Variants in CYP4A22 observed in about 807,000 individuals in gnomAD.
CYP4A22 encodes cytochrome P450 4A22.
Under a neutral mutation model 56.2 loss-of-function variants are expected in CYP4A22, and 46 were observed. The observed-to-expected ratio is 0.82, with a 90% CI of 0.65 to 1.05. CYP4A22 has a LOEUF of 1.05. CYP4A22 is among the 50% of genes least tolerant of loss of function. The pLI is 0.00. For synonymous variants in CYP4A22, 193 were observed against 251.1 expected (o/e 0.77, Z 2.19); for missense variants, 541 against 645.9 (o/e 0.84, Z 1.76).
At chr1:47,146,683 G>A (rs1645079786) in intron 11 of CYP4A22, 40 of 995,466 alleles carry the variant, frequency 4.0e-5, no homozygotes, top group Non-Finnish European at 4.8e-5. Context: ...ATATAAGGGA[G>A]AGGTTAAGGT....
At chr1:47,147,807 G>A (rs1645092520) in intron 11 of CYP4A22, among the ~76,000 whole-genome samples, 2 of 152,202 alleles carry the variant, frequency 1.3e-5, no homozygotes, top group Non-Finnish European at 2.9e-5. Context: ...AGCCCACGGA[G>A]GGCTTGTCTG....
chr1:47,142,633 C>G (rs918933155), intron 4 of CYP4A22, among the ~76,000 whole-genome samples: 36 of 152,212 alleles, frequency 2.4e-4, no homozygotes, highest in Non-Finnish European at 4.6e-4. Flanking sequence ...AGGCTCTGGC[C>G]TGGGGCCCCA....
chr1:47,137,647 T>C lies in CYP4A22; in HGVS notation c.162T>C (p.Pro54=). 6.2e-7 allele frequency: 1 copy of C among 1,613,238 alleles called. No individual in the cohort carries two copies. Among genetic ancestry groups the C allele is most frequent in the Admixed American group, 1.7e-5 (1 of 59,972 alleles). The change falls in exon 1 of 12, where the codon CCT becomes CCC. Residue 54 remains proline (P), a synonymous_variant. Coordinates refer to ENST00000371891, the MANE Select transcript of CYP4A22 (RefSeq NM_001010969.4). ...AAGCCCTCCAGCAGTTCCCGTGCCC[T>C]CCCTCCCACTGGCTCTTCGGGCACA... ...LLKALQQFPC[P]PSHWLFGHIQ...
chr1:47,138,458 C>T (rs946396908), intron 1 of CYP4A22, among the ~76,000 whole-genome samples: 2 of 152,190 alleles, frequency 1.3e-5, no homozygotes, highest in Non-Finnish European at 2.9e-5. Flanking sequence ...TCATCCCCTT[C>T]CTGTGCCCCG....
intron 6 of CYP4A22, among the ~76,000 whole-genome samples, 188 bp from the exon 7 acceptor site, chr1:47,144,169 A>G (rs1453721671): frequency 1.3e-5 from 2 of 152,190 alleles, no homozygotes; most frequent in African/African-American, 4.8e-5. Context: ...AGCCTCCATG[A>G]ACTGTGCCAC....
At chr1:47,148,041 G>C (rs1478074366) in intron 11 of CYP4A22, among the ~76,000 whole-genome samples, 2 of 152,088 alleles carry the variant, frequency 1.3e-5, no homozygotes, top group Non-Finnish European at 2.9e-5. Flanking sequence ...CCCTGGGGTG[G>C]GAGGCAGGTG....
intron 8 of CYP4A22, 47 bp downstream of exon 8, chr1:47,144,787 G>C: frequency 6.2e-7 from 1 of 1,611,622 alleles, no homozygotes; most frequent in South Asian, 1.1e-5. Flanking sequence ...CTCCACAGGG[G>C]CCCCTGGTCT....
rs374075433 is a variant in CYP4A22, at chr1:47,146,544, T to C, written c.1364+391T>C. ...GAATAGTAAACTGTAGATTTCTCTC[T>C]CCCCACACATCCTCAATGCAGCACA... On this transcript the variant is annotated intron_variant, in intron 11 of 11. Coordinates refer to ENST00000371891, the MANE Select transcript of CYP4A22 (RefSeq NM_001010969.4). 1,337 of 1,094,718 alleles carry C rather than the reference T, an allele frequency of 1.2e-3. 12 individuals are homozygous for C. In the African/African-American group the frequency reaches 0.02, roughly 16 times the overall value. The allele number at this position is 1,094,718 out of a possible 1,614,324, so 67.8% of individuals were successfully genotyped here.
At chr1:47,143,486 G>T (rs540281969) in intron 5 of CYP4A22, 93 bp downstream of exon 5, 2 of 1,503,472 alleles carry the variant, frequency 1.3e-6, no homozygotes, top group African/African-American at 2.8e-5. Flanking sequence ...AAGGCTCACC[G>T]CCACACAAAG....
intron 9 of CYP4A22, among the ~76,000 whole-genome samples, chr1:47,145,355 C>G (rs1645064389): frequency 6.6e-6 from 1 of 152,122 alleles, no homozygotes; most frequent in Admixed American, 6.5e-5. Flanking sequence ...TCTGAGGAAC[C>G]CTCAGGTTGA....
intron 1 of CYP4A22, among the ~76,000 whole-genome samples, chr1:47,139,661 A>G (rs1368464877): frequency 1.3e-5 from 2 of 152,168 alleles, no homozygotes; most frequent in Non-Finnish European, 2.9e-5. Context: ...AGCCTACCCC[A>G]CAGTAGGGCA....
chr1:47,147,610 C>T (rs894361255), intron 11 of CYP4A22, among the ~76,000 whole-genome samples: 10 of 152,196 alleles, frequency 6.6e-5, no homozygotes, highest in Non-Finnish European at 1.3e-4. Context: ...TGTTCATGGA[C>T]AAATCACGAA....
At position 47,141,759 on chromosome 1, in the gene CYP4A22, C is replaced by G. The variant is rs190318472; in HGVS notation, c.382+144C>G. The G allele has an allele frequency of 1.3e-4, 153 of 1,148,890 alleles. 2 individuals carry two copies. The East Asian group carries it at 3.7e-3, about 28-fold the overall frequency. 71.2% of individuals were successfully genotyped at this position (1,148,890 alleles called of 1,614,324 possible). A position where few individuals can be genotyped will look rare whatever the true frequency, so the allele number is the denominator to read the frequency against. ...CCTCATTTCCCTCTTCTAACAAGAC[C>G]CTCACCCCTTCCTAATGCTGGTGCA... On this transcript the variant is annotated intron_variant, in intron 3 of 11. Transcript: ENST00000371891.
chr1:47,147,568 C>T (rs1645089740), intron 11 of CYP4A22, among the ~76,000 whole-genome samples: 1 of 152,174 alleles, frequency 6.6e-6, no homozygotes, highest in South Asian at 2.1e-4. Flanking sequence ...GTGTCCCTGT[C>T]CCTGGTGCTG....
In CYP4A22 at chr1:47,137,682, T is replaced by C. The variant is rs1302881522; in HGVS notation, c.195+2T>C. 1 of 1,606,182 alleles carries C rather than the reference T, an allele frequency of 6.2e-7. No individual in the cohort carries two copies. Among genetic ancestry groups the C allele is most frequent in the African/African-American group, 1.3e-5 (1 of 74,680 alleles). On this transcript the variant is annotated splice_donor_variant, in intron 1 of 11. Coordinates refer to ENST00000371891, the MANE Select transcript of CYP4A22 (RefSeq NM_001010969.4). LOFTEE classifies it high-confidence loss of function. Reference sequence around the variant, plus strand: ...TGGCTCTTCGGGCACATCCAGGAGGTAGGGAGGAACTCAGTGGGGGAGTGG... The same window carrying C: ...TGGCTCTTCGGGCACATCCAGGAGGCAGGGAGGAACTCAGTGGGGGAGTGG...
In CYP4A22 at chr1:47,137,535, G is replaced by A. The variant is rs770606110; in HGVS notation, c.50G>A (p.Gly17Glu). 1.9e-6 allele frequency: 3 copies of A among 1,613,944 alleles called. No individual in the cohort carries two copies. The highest frequency in any genetic ancestry group is 2.2e-5 in the South Asian group (2 of 91,058). Reference sequence around the variant, plus strand: ...AGCAGACGCCTGGGTGGTGTCTCCGGGATCCTCCAAGTGACCTCCCTGCTC... The same window carrying A: ...AGCAGACGCCTGGGTGGTGTCTCCGAGATCCTCCAAGTGACCTCCCTGCTC... ...SPSRRLGGVS[G>E]ILQVTSLLIL... is the part of the protein sequence containing the mutation. Residue 17 changes from glycine to glutamate, a missense_variant, in exon 1 of 12, where the codon GGG (glycine) becomes GAG (glutamate). By Grantham distance (98) the Gly-to-Glu change is moderately conservative (BLOSUM62 -2). Around this residue, in one of 3 missense-constraint regions of CYP4A22, gnomAD observed 335 missense variants for 361.2 expected, o/e 0.93. Transcript: ENST00000371891.
Position 47,137,677 on chromosome 1 carries a change from G to A in CYP4A22, c.192G>A (p.Gln64=), listed in dbSNP as rs753194852. The A allele has an allele frequency of 6.2e-7, 1 of 1,607,900 alleles. No homozygotes were observed. The highest frequency in any genetic ancestry group is 8.5e-7 in the Non-Finnish European group (1 of 1,176,460). ...CCCACTGGCTCTTCGGGCACATCCAGGAGGTAGGGAGGAACTCAGTGGGGG... is the reference window on the plus strand; with the variant it reads ...CCCACTGGCTCTTCGGGCACATCCAAGAGGTAGGGAGGAACTCAGTGGGGG... ...PPSHWLFGHI[Q]EFQHDQELQR... The change falls in exon 1 of 12, where the codon CAG becomes CAA. Residue 64 remains glutamine, a synonymous_variant. Coordinates refer to ENST00000371891, the MANE Select transcript of CYP4A22 (RefSeq NM_001010969.4).
At chr1:47,140,208 A>G (rs1057469529) in intron 1 of CYP4A22, among the ~76,000 whole-genome samples, 1 of 152,222 alleles carries the variant, frequency 6.6e-6, no homozygotes, top group African/African-American at 2.4e-5. Context: ...CACCATATGC[A>G]TATACTCAGA....
intron 6 of CYP4A22, 101 bp downstream of exon 6, chr1:47,144,017 C>A: frequency 6.6e-7 from 1 of 1,509,564 alleles, no homozygotes. Context: ...CCTGCAGAAG[C>A]CAGAACACAC....
Sources: allele counts gnomAD v4.1 joint callset (sites outside exome capture counted in the v4.1 genomes callset), GRCh38; gene constraint gnomAD v4.1.1; regional missense constraint gnomAD v4.1.1; transcripts MANE v1.5; gene names NCBI Gene and HGNC (gene_info 2026-07-23, HGNC 2026-07-21).